The following HHAT variants were observed in gnomAD, a reference collection of about 807,000 sequenced individuals.
HHAT encodes the protein protein-cysteine N-palmitoyltransferase HHAT.
HHAT carries 47 observed loss-of-function variants against 70.8 expected under a neutral mutation model. That is an observed-to-expected ratio of 0.66 (90% CI 0.53 to 0.85). The LOEUF is 0.85. Ranked by LOEUF, HHAT falls within the 40% of genes least tolerant of loss-of-function variation. The probability of loss-of-function intolerance (pLI) is 0.00; values close to 1 mark genes in which losing one functional copy is unlikely to be tolerated. For synonymous variants in HHAT, 228 were observed against 247.6 expected (o/e 0.92, Z 0.74); for missense variants, 609 against 604.8 (o/e 1.01, Z -0.07).
At chr1:210,567,424 T>C (rs1655035629) in intron 9 of HHAT, among the ~76,000 whole-genome samples, 1 of 152,092 alleles carries the variant, frequency 6.6e-6, no homozygotes, top group South Asian at 2.1e-4. Context: ...TTTCCCAGAG[T>C]AGTTTCATAA....
intron 8 of HHAT, among the ~76,000 whole-genome samples, chr1:210,504,531 A>G (rs550178354): frequency 7.6e-4 from 115 of 152,230 alleles, no homozygotes; most frequent in Non-Finnish European, 1.4e-3. Context: ...CATGATTTCC[A>G]CTGCTGTTGG....
At chr1:210,551,065 G>A (rs2095523494) in intron 9 of HHAT, among the ~76,000 whole-genome samples, 1 of 149,000 alleles carries the variant, frequency 6.7e-6, no homozygotes, top group South Asian at 2.2e-4. Flanking sequence ...ACATCAGCTA[G>A]AGTCTGAGTT....
intron 10 of HHAT, 25 bp downstream of exon 10, chr1:210,588,124 T>G (rs1451016723): frequency 1.3e-6 from 2 of 1,555,908 alleles, no homozygotes; most frequent in East Asian, 4.6e-5. Context: ...TGCTGCTGTG[T>G]TAGGGGACAG....
intron 9 of HHAT, among the ~76,000 whole-genome samples, chr1:210,530,911 G>T (rs942613357): frequency 1.3e-5 from 2 of 152,108 alleles, no homozygotes; most frequent in African/African-American, 4.8e-5. Flanking sequence ...CACAATTTCT[G>T]TTTTATAAGG....
intron 4 of HHAT, among the ~76,000 whole-genome samples, chr1:210,391,892 C>T (rs2091483636): frequency 6.6e-6 from 1 of 151,962 alleles, no homozygotes; most frequent in Non-Finnish European, 1.5e-5. Flanking sequence ...CCTTTACAGA[C>T]AGGATCTCAT....
chr1:210,468,354 T>A (rs2094143148), intron 8 of HHAT, among the ~76,000 whole-genome samples: 1 of 152,214 alleles, frequency 6.6e-6, no homozygotes, highest in Admixed American at 6.5e-5. Flanking sequence ...AGCGATAGAA[T>A]TTCCCATGGT....
At chr1:210,516,115 G>C (rs1366989490) in intron 9 of HHAT, among the ~76,000 whole-genome samples, 1 of 152,062 alleles carries the variant, frequency 6.6e-6, no homozygotes, top group East Asian at 1.9e-4. Flanking sequence ...CAGCTTGGGA[G>C]GGAAGTCAAA....
chr1:210,372,072 C>A (rs954062151), intron 3 of HHAT, among the ~76,000 whole-genome samples: 2 of 152,150 alleles, frequency 1.3e-5, no homozygotes, highest in Non-Finnish European at 2.9e-5. Flanking sequence ...TTTGAGAATT[C>A]CAGGAGGACA....
chr1:210,512,899 A>T (rs939523085), intron 8 of HHAT, among the ~76,000 whole-genome samples: 1 of 151,956 alleles, frequency 6.6e-6, no homozygotes, highest in African/African-American at 2.4e-5. Context: ...TCTCCTGGAG[A>T]GCTTGTTAAG....
intron 9 of HHAT, among the ~76,000 whole-genome samples, chr1:210,517,039 A>T (rs896604077): frequency 1.3e-5 from 2 of 152,214 alleles, no homozygotes; most frequent in African/African-American, 4.8e-5. Flanking sequence ...TATAGAAATC[A>T]TAGACAGAAG....
chr1:210,554,742 TTCTC>T (rs1196509358), intron 9 of HHAT, among the ~76,000 whole-genome samples: 1 of 152,178 alleles, frequency 6.6e-6, no homozygotes, highest in Admixed American at 6.5e-5. Context: ...CATCTAGTCT[TTCTC>T]AAGGTGTGCC....
chr1:210,603,167 A>G (rs1664662235), intron 10 of HHAT, among the ~76,000 whole-genome samples: 1 of 152,138 alleles, frequency 6.6e-6, no homozygotes, highest in Non-Finnish European at 1.5e-5. Context: ...TGCTCCAATC[A>G]TCGGCTGCTA....
intron 3 of HHAT, among the ~76,000 whole-genome samples, chr1:210,383,073 C>T (rs762906206): frequency 1.3e-5 from 2 of 152,088 alleles, no homozygotes; most frequent in Non-Finnish European, 2.9e-5. Context: ...GGCACGGTGG[C>T]TTATGCCTGT....
chr1:210,348,513 C>A (rs1288627718), intron 1 of HHAT, among the ~76,000 whole-genome samples: 1 of 152,132 alleles, frequency 6.6e-6, no homozygotes, highest in East Asian at 1.9e-4. Context: ...TCACAGAGCA[C>A]CTGGTAGTCC....
At chr1:210,400,967 GAAAC>G (rs746940008) in intron 5 of HHAT, among the ~76,000 whole-genome samples, 2 of 152,184 alleles carry the variant, frequency 1.3e-5, no homozygotes, top group Admixed American at 6.5e-5. Context: ...AAAGAGAGAA[GAAAC>G]AAACAGATGA....
intron 9 of HHAT, among the ~76,000 whole-genome samples, chr1:210,533,587 CATCCT>C (rs1356048261): frequency 1.3e-5 from 2 of 152,198 alleles, no homozygotes; most frequent in African/African-American, 4.8e-5. Context: ...AGAGCTTCTC[CATCCT>C]ATCCTTGATG....
chr1:210,531,677 G>GATAAGAGTTA (rs2095316169), intron 9 of HHAT, among the ~76,000 whole-genome samples: 1 of 152,170 alleles, frequency 6.6e-6, no homozygotes, highest in Non-Finnish European at 1.5e-5. Flanking sequence ...CTGTCCATCA[G>GATAAGAGTTA]TCCACAATAC....
chr1:210,546,759 A>G lies in HHAT; in HGVS notation c.1043+33571A>G, dbSNP rs200379327. 3.9e-5 allele frequency among the ~76,000 whole-genome samples: 6 copies of G among 152,330 alleles called. No homozygotes were observed. In the East Asian group the frequency reaches 9.7e-4, roughly 25 times the overall value. On this transcript the variant is annotated intron_variant, in intron 9 of 11. Coordinates refer to ENST00000261458, the MANE Select transcript of HHAT (RefSeq NM_018194.6). ...GGCAGTGGTTGCAGTGACCTGGGCT[A>G]TGAAGGAGCAGAGCCTGAAGCTTCA...
chr1:210,524,386 G>T (rs1159513265), intron 9 of HHAT, among the ~76,000 whole-genome samples: 1 of 152,184 alleles, frequency 6.6e-6, no homozygotes, highest in Admixed American at 6.5e-5. Context: ...AAGGCAGCGG[G>T]CAACACAGAG....
Sources: allele counts gnomAD v4.1 joint callset (sites outside exome capture counted in the v4.1 genomes callset), GRCh38; gene constraint gnomAD v4.1.1; transcripts MANE v1.5; gene names NCBI Gene and HGNC (gene_info 2026-07-23, HGNC 2026-07-21).